STX3: variants seen among roughly 807,000 people sequenced by gnomAD.
STX3 encodes syntaxin 3.
Under a neutral mutation model 40.2 loss-of-function variants are expected in STX3, and 19 were observed. That is an observed-to-expected ratio of 0.47 (90% CI 0.33 to 0.69). The LOEUF (loss-of-function observed/expected upper bound fraction) is 0.69. Among genes scored for constraint, STX3 ranks in the 30% least tolerant of loss-of-function variants. STX3 has a pLI of 0.02. For synonymous variants in STX3, 122 were observed against 132.2 expected (o/e 0.92, Z 0.53); for missense variants, 364 against 366.7 (o/e 0.99, Z 0.06).
At chr11:59,786,647 C>T (rs1047973709) in intron 2 of STX3, among the ~76,000 whole-genome samples, 6 of 151,548 alleles carry the variant, frequency 4.0e-5, no homozygotes, top group African/African-American at 1.5e-4. Context: ...TTCCTTTTTC[C>T]CCTCTCCTTC....
rs371815231 is a variant in STX3 at position 59,770,161 on chromosome 11, G to A, written c.31-3050G>A. On this transcript the variant is annotated intron_variant, in intron 1 of 10. Transcript: ENST00000337979. ...TGCAGCATGTGTGTATAGGGTGTGC[G>A]TGTAAGGGGTGTGTGTGTGTGCTGT... Among the ~76,000 whole-genome samples, 1,140 of 150,376 alleles carry A rather than the reference G, an allele frequency of 7.6e-3. 16 individuals carry two copies. The highest frequency in any genetic ancestry group is 0.027 in the African/African-American group (1,096 of 40,854).
chr11:59,776,292 A>C (rs1252813339), intron 2 of STX3, among the ~76,000 whole-genome samples: 3 of 152,228 alleles, frequency 2.0e-5, no homozygotes, highest in Non-Finnish European at 4.4e-5. Context: ...TAAAAAGAGA[A>C]TATTACCTGT....
chr11:59,767,478 C>G (rs185268141), intron 1 of STX3, among the ~76,000 whole-genome samples: 1 of 152,238 alleles, frequency 6.6e-6, no homozygotes, highest in African/African-American at 2.4e-5. Flanking sequence ...TTTCCTTGCC[C>G]TTGGGTTCTG....
chr11:59,793,558 G>T (rs1590822260), intron 8 of STX3, 44 bp downstream of exon 8: 1 of 1,593,940 alleles, frequency 6.3e-7, no homozygotes, highest in Non-Finnish European at 8.6e-7. Flanking sequence ...GGAGAGGAAA[G>T]CTCAGGGTCT....
chr11:59,776,454 A>G (rs1863970119), intron 2 of STX3, among the ~76,000 whole-genome samples: 1 of 151,158 alleles, frequency 6.6e-6, no homozygotes. Context: ...TGGTGTAGAT[A>G]TACTGTTGAA....
At chr11:59,760,128 C>T (rs1031788445) in intron 1 of STX3, among the ~76,000 whole-genome samples, 3 of 152,186 alleles carry the variant, frequency 2.0e-5, no homozygotes, top group Non-Finnish European at 2.9e-5. Context: ...CCCCATCAGC[C>T]GGAGGCCAGA....
chr11:59,760,295 C>A (rs192851600), intron 1 of STX3, among the ~76,000 whole-genome samples: 94 of 152,242 alleles, frequency 6.2e-4, no homozygotes, highest in African/African-American at 1.7e-3. Flanking sequence ...AAATTTCTAC[C>A]CATCTTCCAA....
chr11:59,761,687 A>G (rs936749123), intron 1 of STX3, among the ~76,000 whole-genome samples: 2 of 151,830 alleles, frequency 1.3e-5, no homozygotes, highest in Admixed American at 1.3e-4. Flanking sequence ...GACCATTTCC[A>G]TGGCAACTTT....
intron 1 of STX3, among the ~76,000 whole-genome samples, chr11:59,772,974 AAC>A (rs3035302): frequency 0.043 from 6,000 of 140,338 alleles, 126 homozygotes; most frequent in South Asian, 0.063. Context: ...CCCTGAAAGA[AAC>A]ACACACACAC....
intron 4 of STX3, 23 bp downstream of exon 4, chr11:59,788,970 A>G (rs745471835): frequency 5.6e-6 from 9 of 1,593,720 alleles, no homozygotes; most frequent in Admixed American, 1.7e-5. Context: ...CAAAGAAAAC[A>G]AGGCCGTCCC....
Position 59,802,172 on chromosome 11 carries a change from C to T in STX3, c.*1348C>T, listed in dbSNP as rs995003385. On this transcript the variant is annotated 3_prime_UTR_variant, in exon 11 of 11. Coordinates refer to ENST00000337979, the MANE Select transcript of STX3 (RefSeq NM_004177.5). ...GGGAACACCAGAGGCTACACAGTAGCTCTTCCTGCTACTCGGTTAATGAGC... is the reference window on the plus strand; with the variant it reads ...GGGAACACCAGAGGCTACACAGTAGTTCTTCCTGCTACTCGGTTAATGAGC... 6.1e-6 allele frequency: 6 copies of T among 985,422 alleles called. No homozygotes were observed. The highest frequency in any genetic ancestry group is 7.2e-6 in the Non-Finnish European group (6 of 829,956). The allele number at this position is 985,422 out of a possible 1,614,324, so 61.0% of individuals were successfully genotyped here. A position where few individuals can be genotyped will look rare whatever the true frequency, so the allele number is the denominator to read the frequency against.
chr11:59,795,437 A>C lies in STX3; in HGVS notation c.741A>C (p.Arg247=). Residue 247 remains arginine, a synonymous_variant, in exon 9 of 11, where the codon CGA becomes CGC. Transcript: ENST00000337979. ...CAGTGGACCACGTGGAGAAGGCACG[A>C]GATGAAACGAAAAAAGCTGTGAAAT... ...MHTVDHVEKA[R]DETKKAVKYQ... The C allele has an allele frequency of 6.2e-7, 1 of 1,613,620 alleles. No homozygotes were observed. Among genetic ancestry groups the C allele is most frequent in the Non-Finnish European group, 8.5e-7 (1 of 1,179,858 alleles).
At chr11:59,772,992 C>T (rs984895013) in intron 1 of STX3, among the ~76,000 whole-genome samples, 1 of 151,760 alleles carries the variant, frequency 6.6e-6, no homozygotes, top group Non-Finnish European at 1.5e-5. Context: ...CACACACACA[C>T]ACACACACAC....
chr11:59,773,491 G>A (rs1863773768), intron 2 of STX3, among the ~76,000 whole-genome samples, 197 bp downstream of exon 2: 1 of 152,100 alleles, frequency 6.6e-6, no homozygotes, highest in South Asian at 2.1e-4. Flanking sequence ...AAAATCTTAA[G>A]AAAGTCAGCA....
chr11:59,800,667 C>G, intron 10 of STX3, 188 bp from the exon 11 acceptor site: 4 of 985,342 alleles, frequency 4.1e-6, no homozygotes, highest in Non-Finnish European at 4.8e-6. Flanking sequence ...TTTTTTTCCC[C>G]TCTCACAGTA....
At chr11:59,771,850 A>T (rs1226398805) in intron 1 of STX3, among the ~76,000 whole-genome samples, 3 of 152,120 alleles carry the variant, frequency 2.0e-5, no homozygotes, top group Non-Finnish European at 4.4e-5. Context: ...GAAGGACATG[A>T]TCAGTTCTGA....
intron 8 of STX3, among the ~76,000 whole-genome samples, chr11:59,794,846 T>C (rs968973495): frequency 1.3e-5 from 2 of 152,166 alleles, no homozygotes; most frequent in Non-Finnish European, 2.9e-5. Context: ...TGGAAATAAC[T>C]TAGAGAAAGC....
At chr11:59,791,990 C>T (rs774968715) in intron 5 of STX3, 117 bp from the exon 6 acceptor site, 7 of 845,342 alleles carry the variant, frequency 8.3e-6, no homozygotes, top group African/African-American at 1.7e-5. Flanking sequence ...TGGTTTGACA[C>T]CTGGTTTTTT....
chr11:59,801,591 T>C lies in STX3; in HGVS notation c.*767T>C. 3 of 985,468 alleles carry C rather than the reference T, an allele frequency of 3.0e-6. No homozygotes were observed. Among genetic ancestry groups the C allele is most frequent in the Non-Finnish European group, 3.6e-6 (3 of 829,932 alleles). 61.0% of individuals were successfully genotyped at this position (985,468 alleles called of 1,614,324 possible). A position where few individuals can be genotyped will look rare whatever the true frequency, so the allele number is the denominator to read the frequency against. ...CTGAGTCTTAGAAACTGGCTGCTCA[T>C]TGTTAGAAAGTGATGCTTTGTGAGA... On this transcript the variant is annotated 3_prime_UTR_variant, in exon 11 of 11. Transcript: ENST00000337979.
Sources: gnomAD v4.1 joint callset for allele counts (sites outside exome capture counted in the v4.1 genomes callset) on GRCh38, gnomAD v4.1.1 for gene constraint, MANE v1.5 for transcripts, NCBI Gene and HGNC (gene_info 2026-07-23, HGNC 2026-07-21) for gene names.